The following BMP5 variants were observed in gnomAD, a reference collection of about 807,000 sequenced individuals.
The protein encoded by BMP5 is bone morphogenetic protein 5.
In BMP5, 23 loss-of-function variants were observed where a neutral mutation model predicts 46.6. The ratio of observed to expected loss-of-function variants is 0.49; its 90% CI spans 0.35 to 0.70. BMP5 has a LOEUF of 0.70. Among genes scored for constraint, BMP5 ranks in the 30% least tolerant of loss-of-function variants. BMP5 has a pLI of 0.00. For missense variants in BMP5, 545 were observed against 565.6 expected (o/e 0.96, Z 0.37); for synonymous variants, 204 against 191.9 (o/e 1.06, Z -0.52).
intron 3 of BMP5, among the ~76,000 whole-genome samples, chr6:55,780,893 G>A (rs1402681080): frequency 1.3e-5 from 2 of 152,048 alleles, no homozygotes; most frequent in Non-Finnish European, 2.9e-5. Context: ...TTATTGCATG[G>A]AGGGCAGGAC....
chr6:55,802,660 G>C (rs372546391), intron 2 of BMP5, among the ~76,000 whole-genome samples: 1 of 151,870 alleles, frequency 6.6e-6, no homozygotes, highest in Non-Finnish European at 1.5e-5. Flanking sequence ...CTGCAGAAAT[G>C]AGTATTGTAA....
At chr6:55,796,792 T>C (rs549134579) in intron 2 of BMP5, among the ~76,000 whole-genome samples, 39 of 152,140 alleles carry the variant, frequency 2.6e-4, no homozygotes, top group Admixed American at 5.2e-4. Flanking sequence ...AGAATGATGA[T>C]GTATATATTT....
In BMP5 at chr6:55,805,700, C is replaced by T. The variant is rs138497116; in HGVS notation, c.684-11273G>A. Among the ~76,000 whole-genome samples, 900 of 152,266 alleles carry T rather than the reference C, an allele frequency of 5.9e-3. 10 individuals carry two copies. The highest frequency in any genetic ancestry group is 0.02 in the African/African-American group (842 of 41,554). The stretch of plus-strand genomic sequence containing the variant: ...TCCCACCAACAGTGTAAAAGCATTC[C>T]TATCTCTCCACATCCTCACCAGCAT... On this transcript the variant is annotated intron_variant, in intron 2 of 6. Transcript: ENST00000370830.
At chr6:55,786,345 C>T (rs1775449209) in intron 3 of BMP5, among the ~76,000 whole-genome samples, 1 of 151,666 alleles carries the variant, frequency 6.6e-6, no homozygotes, top group African/African-American at 2.4e-5. Context: ...GTAGAAATTA[C>T]CTGAAAATTT....
chr6:55,807,092 A>G (rs1011814567), intron 2 of BMP5, among the ~76,000 whole-genome samples: 47 of 152,262 alleles, frequency 3.1e-4, no homozygotes, highest in African/African-American at 1.1e-3. Context: ...CCTGGCCAGA[A>G]CTTCCAATAC....
chr6:55,773,762 A>G (rs982444082), intron 4 of BMP5, among the ~76,000 whole-genome samples: 18 of 151,910 alleles, frequency 1.2e-4, no homozygotes, highest in Non-Finnish European at 2.5e-4. Context: ...CATGTAGCTC[A>G]GTTCTGGCTA....
intron 1 of BMP5, among the ~76,000 whole-genome samples, chr6:55,867,780 G>T (rs754866689): frequency 6.6e-6 from 1 of 152,128 alleles, no homozygotes; most frequent in Non-Finnish European, 1.5e-5. Flanking sequence ...AACATTCATC[G>T]AGGAAGGTGA....
intron 1 of BMP5, among the ~76,000 whole-genome samples, chr6:55,822,403 T>C (rs1465107651): frequency 6.6e-6 from 1 of 152,144 alleles, no homozygotes; most frequent in Non-Finnish European, 1.5e-5. Context: ...GCTGCAGAAA[T>C]TGTCATGTGT....
chr6:55,847,444 G>T (rs192688646), intron 1 of BMP5, among the ~76,000 whole-genome samples: 61 of 152,046 alleles, frequency 4.0e-4, no homozygotes, highest in Non-Finnish European at 7.2e-4. Flanking sequence ...TACAACAGAA[G>T]TGATCATAGG....
chr6:55,847,486 G>A (rs966475303), intron 1 of BMP5, among the ~76,000 whole-genome samples: 2 of 151,794 alleles, frequency 1.3e-5, no homozygotes, highest in African/African-American at 4.8e-5. Context: ...CGGCCTTAAA[G>A]GTAGACTGAT....
intron 5 of BMP5, among the ~76,000 whole-genome samples, chr6:55,759,380 T>A (rs1774710251): frequency 6.6e-6 from 1 of 151,730 alleles, no homozygotes; most frequent in Non-Finnish European, 1.5e-5. Flanking sequence ...CCTCTCTAAT[T>A]ACTCCCAAGG....
intron 6 of BMP5, 26 bp downstream of exon 6, chr6:55,758,976 TTTC>T: frequency 6.9e-7 from 1 of 1,444,436 alleles, no homozygotes; most frequent in Non-Finnish European, 9.7e-7. Flanking sequence ...ATTCTAAGCT[TTTC>T]TTAATCCTTC....
intron 4 of BMP5, among the ~76,000 whole-genome samples, chr6:55,773,301 T>C (rs1775089702): frequency 6.6e-6 from 1 of 151,932 alleles, no homozygotes; most frequent in East Asian, 1.9e-4. Context: ...ATAGCCACCA[T>C]TTTCATCTAA....
At chr6:55,794,090 C>T (rs1236837109) in intron 3 of BMP5, among the ~76,000 whole-genome samples, 189 bp downstream of exon 3, 1 of 152,124 alleles carries the variant, frequency 6.6e-6, no homozygotes, top group Non-Finnish European at 1.5e-5. Context: ...CAGAGCCTGA[C>T]AATAAATGTA....
In BMP5 at chr6:55,812,381, G is replaced by A. The variant is rs184774137; in HGVS notation, c.683+7274C>T. Among the ~76,000 whole-genome samples the A allele has an allele frequency of 1.9e-3, 291 of 152,164 alleles. 3 individuals carry two copies. Among genetic ancestry groups the A allele is most frequent in the African/African-American group, 6.4e-3 (267 of 41,504 alleles). On this transcript the variant is annotated intron_variant, in intron 2 of 6. Transcript: ENST00000370830. ...ACTAAGATAAATAAATAAGAAAAGA[G>A]GTGACATAATGGATCTACCATATTT...
chr6:55,847,153 T>C (rs1777117468), intron 1 of BMP5, among the ~76,000 whole-genome samples: 1 of 151,932 alleles, frequency 6.6e-6, no homozygotes, highest in South Asian at 2.1e-4. Flanking sequence ...TTGCCCAAGT[T>C]AGCACAGCTT....
chr6:55,872,434 T>G (rs982512723), intron 1 of BMP5, among the ~76,000 whole-genome samples: 6 of 151,662 alleles, frequency 4.0e-5, no homozygotes, highest in Non-Finnish European at 8.9e-5. Flanking sequence ...ATTGTATTTC[T>G]TCATATAGGC....
chr6:55,826,334 G>T (rs1043967472), intron 1 of BMP5, among the ~76,000 whole-genome samples: 2 of 151,678 alleles, frequency 1.3e-5, no homozygotes, highest in African/African-American at 4.8e-5. Flanking sequence ...CATGAATACA[G>T]TTTTATAAAG....
intron 5 of BMP5, among the ~76,000 whole-genome samples, chr6:55,759,375 C>G (rs1774710106): frequency 6.6e-6 from 1 of 151,646 alleles, no homozygotes; most frequent in African/African-American, 2.4e-5. Flanking sequence ...ATTGTCCTCT[C>G]TAATTACTCC....
Sources: allele counts gnomAD v4.1 joint callset (sites outside exome capture counted in the v4.1 genomes callset), GRCh38; gene constraint gnomAD v4.1.1; transcripts MANE v1.5; gene names NCBI Gene and HGNC (gene_info 2026-07-23, HGNC 2026-07-21).